Variants in TAFA4 observed in about 807,000 individuals in gnomAD.
The protein encoded by TAFA4 is chemokine-like protein TAFA-4.
Under a neutral mutation model 21.1 loss-of-function variants are expected in TAFA4, and 20 were observed. The ratio of observed to expected loss-of-function variants is 0.95; its 90% confidence interval spans 0.67 to 1.38. The LOEUF (loss-of-function observed/expected upper bound fraction) is 1.38. Among genes scored for constraint, TAFA4 ranks in the 40% most tolerant of loss-of-function variants. The probability of loss-of-function intolerance (pLI) is 0.00; values close to 1 mark genes in which losing one functional copy is unlikely to be tolerated. For synonymous variants in TAFA4, 71 were observed against 67.4 expected (o/e 1.05, Z -0.26); for missense variants, 211 against 180.9 (o/e 1.17, Z -0.95).
intron 4 of TAFA4, among the ~76,000 whole-genome samples, chr3:68,746,342 T>C (rs1702457937): frequency 6.6e-6 from 1 of 152,162 alleles, no homozygotes; most frequent in Non-Finnish European, 1.5e-5. Context: ...ATCTCATATA[T>C]ACATCTATCC....
chr3:68,805,085 A>G (rs1703662867), intron 3 of TAFA4, among the ~76,000 whole-genome samples: 1 of 152,206 alleles, frequency 6.6e-6, no homozygotes, highest in South Asian at 2.1e-4. Flanking sequence ...AGAATCTACA[A>G]TGAACTCAAA....
At chr3:68,740,692 T>C (rs1316465603) in intron 4 of TAFA4, among the ~76,000 whole-genome samples, 1 of 152,186 alleles carries the variant, frequency 6.6e-6, no homozygotes, top group East Asian at 1.9e-4. Context: ...TTTTGTTGCC[T>C]GTACTTTTGG....
chr3:68,813,249 A>T (rs1703881919), intron 3 of TAFA4, among the ~76,000 whole-genome samples: 1 of 152,176 alleles, frequency 6.6e-6, no homozygotes, highest in South Asian at 2.1e-4. Context: ...ACACCCTAAC[A>T]TCACAATTAA....
chr3:68,794,193 C>CT (rs1703414203), intron 3 of TAFA4, among the ~76,000 whole-genome samples: 1 of 152,166 alleles, frequency 6.6e-6, no homozygotes, highest in Admixed American at 6.5e-5. Context: ...TAAGGAGTCA[C>CT]TGTCCATGAA....
At chr3:68,745,814 T>G (rs1047589707) in intron 4 of TAFA4, among the ~76,000 whole-genome samples, 2 of 152,234 alleles carry the variant, frequency 1.3e-5, no homozygotes, top group African/African-American at 4.8e-5. Flanking sequence ...ATGAGTTGGA[T>G]TCTTACTTGC....
chr3:68,909,622 A>G (rs2089938109), intron 1 of TAFA4, among the ~76,000 whole-genome samples: 1 of 152,196 alleles, frequency 6.6e-6, no homozygotes, highest in African/African-American at 2.4e-5. Context: ...GGCTCCACCA[A>G]AAGGTAGCTG....
At chr3:68,848,745 C>T (rs946748585) in intron 3 of TAFA4, among the ~76,000 whole-genome samples, 1 of 152,192 alleles carries the variant, frequency 6.6e-6, no homozygotes, top group Non-Finnish European at 1.5e-5. Context: ...CTGTCCTGCA[C>T]CACTTCCTAC....
chr3:68,767,538 A>G (rs1269636588), intron 3 of TAFA4, among the ~76,000 whole-genome samples: 1 of 152,138 alleles, frequency 6.6e-6, no homozygotes, highest in African/African-American at 2.4e-5. Context: ...TGATGTATCA[A>G]TAAATTGCAA....
intron 1 of TAFA4, among the ~76,000 whole-genome samples, chr3:68,924,908 G>A (rs769100458): frequency 6.6e-6 from 1 of 152,158 alleles, no homozygotes. Context: ...TGACCTTCAT[G>A]GGGATGTTTA....
chr3:68,872,733 C>G (rs1439108577), intron 3 of TAFA4, among the ~76,000 whole-genome samples: 1 of 151,976 alleles, frequency 6.6e-6, no homozygotes, highest in Non-Finnish European at 1.5e-5. Flanking sequence ...GACATAATAC[C>G]AAGCTCTTTA....
intron 3 of TAFA4, among the ~76,000 whole-genome samples, chr3:68,809,151 T>A (rs556543940): frequency 6.6e-6 from 1 of 152,236 alleles, no homozygotes; most frequent in East Asian, 1.9e-4. Flanking sequence ...AATGCCCTTT[T>A]ACCCTAGAAC....
intron 1 of TAFA4, among the ~76,000 whole-genome samples, chr3:68,887,433 C>T (rs2089684221): frequency 6.6e-6 from 1 of 152,106 alleles, no homozygotes; most frequent in Non-Finnish European, 1.5e-5. Flanking sequence ...AGTTGTACAC[C>T]TGCAGCTCTA....
rs111981966 is a variant in TAFA4 at position 68,750,900 on chromosome 3, G to A, written c.286+1963C>T. On this transcript the variant is annotated intron_variant, in intron 4 of 5. Coordinates refer to ENST00000295569, the MANE Select transcript of TAFA4 (RefSeq NM_182522.5). ...AAAGTTGTTTGTGGGCCAGCCAATG[G>A]GGAAAGATGAAAGTAAGAGACCACA... 4.9e-3 allele frequency among the ~76,000 whole-genome samples: 744 copies of A among 152,082 alleles called. 6 individuals are homozygous for A. The highest frequency in any genetic ancestry group is 0.017 in the African/African-American group (708 of 41,376).
intron 5 of TAFA4, among the ~76,000 whole-genome samples, chr3:68,737,805 A>T (rs565966565): frequency 1.3e-5 from 2 of 152,328 alleles, no homozygotes; most frequent in African/African-American, 4.8e-5. Context: ...CGACATAAGA[A>T]AGGCAAGAAG....
intron 2 of TAFA4, among the ~76,000 whole-genome samples, chr3:68,881,218 T>G (rs886675951): frequency 6.6e-6 from 1 of 152,194 alleles, no homozygotes; most frequent in Non-Finnish European, 1.5e-5. Context: ...TTTCTGGATC[T>G]GAAAGAATCC....
At chr3:68,764,716 T>C (rs1341833633) in intron 3 of TAFA4, among the ~76,000 whole-genome samples, 1 of 152,312 alleles carries the variant, frequency 6.6e-6, no homozygotes, top group East Asian at 1.9e-4. Flanking sequence ...GTTTTACTAT[T>C]GCCTAGTGCT....
rs552054423 is a variant in TAFA4, at chr3:68,930,639, C to A, written c.-123+1601G>T. Among the ~76,000 whole-genome samples, 6 of 152,296 alleles carry A rather than the reference C, an allele frequency of 3.9e-5. No homozygotes were observed. In the South Asian group the frequency reaches 1.0e-3, roughly 26 times the overall value. On this transcript the variant is annotated intron_variant, in intron 1 of 5. Coordinates refer to ENST00000295569, the MANE Select transcript of TAFA4 (RefSeq NM_182522.5). ...GAAGAAAGCTTCTTCCACAAATGAG[C>A]CATGCCAACTCACTCGGTCATTTTG...
At chr3:68,905,150 CTTTTTTTTT>C (rs145187037) in intron 1 of TAFA4, among the ~76,000 whole-genome samples, 1 of 85,244 alleles carries the variant, frequency 1.2e-5, no homozygotes, top group African/African-American at 4.7e-5. Context: ...AGATTTCTGC[CTTTTTTTTT>C]TTTTTTTTTT....
chr3:68,841,344 A>AAAAAAAG lies in TAFA4; in HGVS notation c.130+39385_130+39386insCTTTTTT, dbSNP rs376327182. 4.3e-4 allele frequency among the ~76,000 whole-genome samples: 32 copies of AAAAAAAG among 73,620 alleles called. 5 individuals are homozygous for AAAAAAAG. Among genetic ancestry groups the AAAAAAAG allele is most frequent in the African/African-American group, 1.4e-3 (31 of 22,122 alleles). The allele number at this position is 73,620 out of a possible 152,430, so 48.3% of individuals were successfully genotyped here. A position where few individuals can be genotyped will look rare whatever the true frequency, so the allele number is the denominator to read the frequency against. On this transcript the variant is annotated intron_variant, in intron 3 of 5. Transcript: ENST00000295569. ...TCTCAAAAAAAAAAAAAATAAAAAAAAATAAAATCCACACACATTCTCCAC... is the reference window on the plus strand; with the variant it reads ...TCTCAAAAAAAAAAAAAATAAAAAAAAAAAAAGAATAAAATCCACACACATTCTCCAC...
Sources: allele counts gnomAD v4.1 joint callset (sites outside exome capture counted in the v4.1 genomes callset), GRCh38; gene constraint gnomAD v4.1.1; transcripts MANE v1.5; gene names NCBI Gene and HGNC (gene_info 2026-07-23, HGNC 2026-07-21).